PTPRN: variants seen among roughly 807,000 people sequenced by gnomAD.
PTPRN encodes protein tyrosine phosphatase receptor type N.
Under a neutral mutation model 108.5 loss-of-function variants are expected in PTPRN, and 70 were observed. The observed-to-expected ratio is 0.65, with a 90% CI of 0.53 to 0.79. The LOEUF (loss-of-function observed/expected upper bound fraction) is 0.79, where lower values mean the gene tolerates loss of function less well. Among genes scored for constraint, PTPRN ranks in the 30% least tolerant of loss-of-function variants. The pLI is 0.00. For missense variants in PTPRN, 1,136 were observed against 1,295.5 expected (o/e 0.88, Z 1.89); for synonymous variants, 496 against 524.6 (o/e 0.95, Z 0.75).
chr2:219,305,593 A>G (rs1009655427), intron 3 of PTPRN, among the ~76,000 whole-genome samples: 3 of 152,182 alleles, frequency 2.0e-5, no homozygotes, highest in Admixed American at 6.5e-5. Context: ...TCTTCTTAAT[A>G]GACACTCAAT....
At position 219,307,667 on chromosome 2, in the gene PTPRN, C is replaced by T. The variant is rs914505602; in HGVS notation, c.167-110G>A. 2.7e-6 allele frequency: 4 copies of T among 1,458,042 alleles called. No individual in the cohort carries two copies. In the Admixed American group the frequency reaches 5.2e-5, roughly 19 times the overall value. The allele number at this position is 1,458,042 out of a possible 1,614,324, so 90.3% of individuals were successfully genotyped here. On this transcript the variant is annotated intron_variant, in intron 2 of 22. Transcript: ENST00000295718. ...ACTTTCTCCCCTACCTCTCCTCCTC[C>T]AGGCAAGTCTTCCTTCTTCTCAAGC...
rs1455307528 is a variant in PTPRN at position 219,303,835 on chromosome 2, T to A, written c.281-4A>T. The A allele has an allele frequency of 1.9e-6, 3 of 1,607,916 alleles. No homozygotes were observed. The South Asian group carries it at 3.3e-5, about 18-fold the overall frequency. ...AGGTCATCGTGCCAGGACAATCCTG[T>A]CAGGAAAGAGGACAGCGTAAGTTGG... On this transcript the variant is annotated splice_polypyrimidine_tract_variant and splice_region_variant and intron_variant, in intron 3 of 22. Transcript: ENST00000295718.
At position 219,290,804 on chromosome 2, in the gene PTPRN, G is replaced by T; in HGVS notation, c.2794+22C>A. On this transcript the variant is annotated intron_variant, in intron 21 of 22. Transcript: ENST00000295718. The surrounding 1 kb of genome is among the most constrained non-coding windows in gnomAD (Gnocchi z 4.2). ...TCTAAAAAGGGCCTGGGGGCTGCGG[G>T]CACCGTGGGGAAGCTCCCTACCTTT... The T allele has an allele frequency of 6.2e-7, 1 of 1,612,380 alleles. No individual in the cohort carries two copies. The highest frequency in any genetic ancestry group is 1.1e-5 in the South Asian group (1 of 91,032).
intron 12 of PTPRN, 145 bp downstream of exon 12, chr2:219,298,902 G>A: frequency 1.2e-6 from 1 of 864,738 alleles, no homozygotes; most frequent in Non-Finnish European, 2.0e-6. Context: ...ACTGCGGGGA[G>A]GGGCTGCTTG....
At chr2:219,307,751 T>C (rs1179147179) in intron 2 of PTPRN, 41 bp downstream of exon 2, 14 of 1,605,376 alleles carry the variant, frequency 8.7e-6, no homozygotes, top group Middle Eastern at 1.7e-4. Flanking sequence ...ATTGCCCCTC[T>C]CCCCCCGATC....
intron 1 of PTPRN, 123 bp downstream of exon 1, chr2:219,309,095 C>T: frequency 6.6e-7 from 1 of 1,507,600 alleles, no homozygotes; most frequent in South Asian, 1.2e-5. Flanking sequence ...TCTCGCATGC[C>T]TCCCCCAACC....
chr2:219,302,121 C>A lies in PTPRN; in HGVS notation c.994+16G>T, dbSNP rs1559301879. ...AGCAGCCCTCACAGGGAGGTGGATG[C>A]TGAGGACCTTGTTACCTGGCTGCAC... is the stretch of plus-strand genomic sequence containing the variant. On this transcript the variant is annotated intron_variant, in intron 6 of 22. Transcript: ENST00000295718. The A allele has an allele frequency of 6.4e-7, 1 of 1,555,244 alleles. No individual in the cohort carries two copies. The highest frequency in any genetic ancestry group is 2.3e-5 in the East Asian group (1 of 44,228).
Position 219,303,839 on chromosome 2 carries a change from G to A in PTPRN, c.281-8C>T. On this transcript the variant is annotated splice_polypyrimidine_tract_variant and splice_region_variant and intron_variant, in intron 3 of 22. Coordinates refer to ENST00000295718, the MANE Select transcript of PTPRN (RefSeq NM_002846.4). The stretch of plus-strand genomic sequence containing the variant: ...CATCGTGCCAGGACAATCCTGTCAG[G>A]AAAGAGGACAGCGTAAGTTGGTTCA... 6.2e-7 allele frequency: 1 copy of A among 1,605,966 alleles called. No homozygotes were observed. The highest frequency in any genetic ancestry group is 8.5e-7 in the Non-Finnish European group (1 of 1,174,934).
chr2:219,302,083 A>G (rs1952362308), intron 6 of PTPRN, 54 bp downstream of exon 6: 6 of 1,459,378 alleles, frequency 4.1e-6, no homozygotes, highest in South Asian at 4.0e-5. Flanking sequence ...GGGCCCCACC[A>G]TGGTTCCCCC....
In PTPRN at chr2:219,297,158, T is replaced by C; in HGVS notation, c.2089-26A>G. The C allele has an allele frequency of 1.2e-6, 2 of 1,612,586 alleles. No individual in the cohort carries two copies. Among genetic ancestry groups the C allele is most frequent in the Non-Finnish European group, 1.7e-6 (2 of 1,179,016 alleles). The stretch of plus-strand genomic sequence containing the variant: ...CTGTGGGGGCACCACGGTCTGGCTC[T>C]GGCCCACACAGCCAGCCTGGCCTCT... On this transcript the variant is annotated intron_variant, in intron 14 of 22. Coordinates refer to ENST00000295718, the MANE Select transcript of PTPRN (RefSeq NM_002846.4). The surrounding 1 kb of genome is among the most constrained non-coding windows in gnomAD (Gnocchi z 6.0).
At position 219,303,279 on chromosome 2, in the gene PTPRN, C is replaced by T. The variant is rs186820226; in HGVS notation, c.378-442G>A. Among the ~76,000 whole-genome samples the T allele has an allele frequency of 4.6e-5, 7 of 152,334 alleles. No homozygotes were observed. The East Asian group carries it at 1.4e-3, about 29-fold the overall frequency. On this transcript the variant is annotated intron_variant, in intron 4 of 22. Coordinates refer to ENST00000295718, the MANE Select transcript of PTPRN (RefSeq NM_002846.4). ...CCACCCCCCACCACTATGCCATCTT[C>T]ATCCTGGTATCATCATCTGAGCTCC... is the stretch of plus-strand genomic sequence containing the variant.
At chr2:219,307,927 C>A in intron 1 of PTPRN, 85 bp from the exon 2 acceptor site, 1 of 1,317,690 alleles carries the variant, frequency 7.6e-7, no homozygotes, top group Non-Finnish European at 1.1e-6. Context: ...ACGGGAGAAG[C>A]AGATGCAATT....
In PTPRN at chr2:219,296,991, G is replaced by A. The variant is rs367890259; in HGVS notation, c.2230C>T (p.Leu744=). 1 of 1,613,768 alleles carries A rather than the reference G, an allele frequency of 6.2e-7. No homozygotes were observed. Among genetic ancestry groups the A allele is most frequent in the African/African-American group, 1.3e-5 (1 of 75,064 alleles). Reference sequence around the variant, plus strand: ...GCCAGCAGGGTTCACTCACAGGGCAGGAAGTCAGGATGCCGGTTCTTTTTG... The same window carrying A: ...GCCAGCAGGGTTCACTCACAGGGCAAGAAGTCAGGATGCCGGTTCTTTTTG... ...NIKKNRHPDF[L]PYDHARIKLK... Residue 744 remains leucine, a synonymous_variant, in exon 15 of 23, where the codon CTG becomes TTG. Transcript: ENST00000295718. This position sits in a 1 kb window ranked among gnomAD's most constrained non-coding sequence, Gnocchi z 6.0.
At chr2:219,293,963 C>T (rs937496602) in intron 19 of PTPRN, 1 of 425,948 alleles carries the variant, frequency 2.3e-6, no homozygotes, top group Admixed American at 2.5e-5. Context: ...TCAGGTAGCC[C>T]CTGTCTAGTC....
At position 219,297,471 on chromosome 2, in the gene PTPRN, T is replaced by A. The variant is rs1468054482; in HGVS notation, c.1888-38A>T. 1 of 1,603,428 alleles carries A rather than the reference T, an allele frequency of 6.2e-7. No individual in the cohort carries two copies. Among genetic ancestry groups the A allele is most frequent in the Admixed American group, 1.7e-5 (1 of 59,834 alleles). ...AATCAGGTGAGGTCCAAGAGTCCCC[T>A]GAAACTTTTCAACAGGGCCCTGGGT... On this transcript the variant is annotated intron_variant, in intron 13 of 22. Coordinates refer to ENST00000295718, the MANE Select transcript of PTPRN (RefSeq NM_002846.4). This position sits in a 1 kb window ranked among gnomAD's most constrained non-coding sequence, Gnocchi z 6.0.
Position 219,296,663 on chromosome 2 carries a change from G to A in PTPRN, c.2310+86C>T. 2 of 1,569,762 alleles carry A rather than the reference G, an allele frequency of 1.3e-6. No individual in the cohort carries two copies. The highest frequency in any genetic ancestry group is 8.7e-7 in the Non-Finnish European group (1 of 1,146,936). On this transcript the variant is annotated intron_variant, in intron 16 of 22. Transcript: ENST00000295718. The surrounding 1 kb of genome is among the most constrained non-coding windows in gnomAD (Gnocchi z 6.0). ...CCCCACCACTCCAGGGGGTTGGTGG[G>A]GTGGCAGGTGACCACGGGGAAATGG... is the stretch of plus-strand genomic sequence containing the variant.
intron 1 of PTPRN, chr2:219,308,823 C>T (rs1952550548): frequency 7.7e-7 from 1 of 1,304,174 alleles, no homozygotes; most frequent in South Asian, 1.2e-5. Flanking sequence ...GCCCAGAGAT[C>T]ACCGTTCCCT....
intron 18 of PTPRN, chr2:219,295,399 G>A: frequency 4.1e-6 from 2 of 483,008 alleles, no homozygotes; most frequent in South Asian, 5.7e-5. Flanking sequence ...CTTCCTCGCA[G>A]GGTCTACCAG....
Position 219,296,235 on chromosome 2 carries a change from G to T in PTPRN, c.2499C>A (p.His833Gln). 6.2e-7 allele frequency: 1 copy of T among 1,614,086 alleles called. No individual in the cohort carries two copies. ...GTGGGGCCCTGCTGACCTCATATACGTGGTAGAGGGAGGCACCCTCATCTG... is the reference window on the plus strand; with the variant it reads ...GTGGGGCCCTGCTGACCTCATATACTTGGTAGAGGGAGGCACCCTCATCTG... ...YWPDEGASLY[H>Q]VYEVNLVSEH... The change falls in exon 18 of 23, where the codon CAC (histidine) becomes CAA (glutamine). Residue 833 changes from histidine to glutamine, a missense_variant. Transcript: ENST00000295718. The surrounding 1 kb of genome is among the most constrained non-coding windows in gnomAD (Gnocchi z 6.0).
Sources: gnomAD v4.1 joint callset for allele counts (sites outside exome capture counted in the v4.1 genomes callset) on GRCh38, gnomAD v4.1.1 for gene constraint, Gnocchi (gnomAD v3.1) non-coding constraint, MANE v1.5 for transcripts, NCBI Gene and HGNC (gene_info 2026-07-23, HGNC 2026-07-21) for gene names.